KIF15: variants seen among roughly 807,000 people sequenced by gnomAD.
The protein encoded by KIF15 is kinesin family member 15, also known as kinesin-like protein KIF15.
In KIF15, 140 loss-of-function variants were observed where a neutral mutation model predicts 190.6. That is an observed-to-expected ratio of 0.73 (90% CI 0.64 to 0.84). The LOEUF is 0.84. Ranked by LOEUF, KIF15 falls within the 40% of genes least tolerant of loss-of-function variation. The pLI is 0.00. For synonymous variants in KIF15, 528 were observed against 551.3 expected (o/e 0.96, Z 0.59); for missense variants, 1,372 against 1,584.4 (o/e 0.87, Z 2.28).
intron 29 of KIF15, 150 bp downstream of exon 29, chr3:44,841,388 T>C (rs762610447): frequency 2.6e-5 from 15 of 582,854 alleles, no homozygotes; most frequent in Non-Finnish European, 4.4e-5. Context: ...GCCAGTAAAT[T>C]TAATTTTTTT....
chr3:44,770,693 G>A (rs967130347), intron 1 of KIF15, among the ~76,000 whole-genome samples: 14 of 152,200 alleles, frequency 9.2e-5, no homozygotes, highest in African/African-American at 3.4e-4. Flanking sequence ...TTATTGCACT[G>A]ATGCAAACAA....
chr3:44,779,497 C>T (rs1706065167), intron 4 of KIF15, among the ~76,000 whole-genome samples: 1 of 152,146 alleles, frequency 6.6e-6, no homozygotes, highest in Non-Finnish European at 1.5e-5. Flanking sequence ...TTAGTAGTGT[C>T]CTCTTCACTC....
intron 6 of KIF15, among the ~76,000 whole-genome samples, chr3:44,785,756 T>C (rs1706372173): frequency 6.6e-6 from 1 of 152,200 alleles, no homozygotes; most frequent in South Asian, 2.1e-4. Context: ...TAACACTTGC[T>C]TCAAATAAAA....
At position 44,805,966 on chromosome 3, in the gene KIF15, AT is replaced by A; in HGVS notation, c.1953del (p.His652MetfsTer8). On this transcript the variant is annotated frameshift_variant, in exon 16 of 35. Coordinates refer to ENST00000326047, the MANE Select transcript of KIF15 (RefSeq NM_020242.3). LOFTEE classifies it high-confidence loss of function. ...GCAAGAAGTTTCTCAGCTGAATAAAATTCATGCTGAAACACTTAAGGTAGGT... is the reference window on the plus strand; with the variant it reads ...GCAAGAAGTTTCTCAGCTGAATAAAATCATGCTGAAACACTTAAGGTAGGT... ...KRQEVSQLNK[I>X]HAETLKIITT... 6.2e-7 allele frequency: 1 copy of A among 1,614,058 alleles called. No individual in the cohort carries two copies. The highest frequency in any genetic ancestry group is 8.5e-7 in the Non-Finnish European group (1 of 1,179,984).
intron 26 of KIF15, among the ~76,000 whole-genome samples, chr3:44,836,724 A>G (rs1241102886): frequency 6.6e-6 from 1 of 152,240 alleles, no homozygotes; most frequent in Non-Finnish European, 1.5e-5. Context: ...TACCACACAG[A>G]AAGCCAATCA....
rs1163848922 is a variant in KIF15 at position 44,808,199 on chromosome 3, T to G, written c.1971+2213T>G. ...TACTTGCAGAATACTGCCAAATGTTTTATAATTCTGTGTCTGTAGCCCCTT... is the reference window on the plus strand; with the variant it reads ...TACTTGCAGAATACTGCCAAATGTTGTATAATTCTGTGTCTGTAGCCCCTT... On this transcript the variant is annotated intron_variant, in intron 16 of 34. Transcript: ENST00000326047. Among the ~76,000 whole-genome samples, 5 of 152,252 alleles carry G rather than the reference T, an allele frequency of 3.3e-5. No homozygotes were observed. In the East Asian group the frequency reaches 9.6e-4, roughly 29 times the overall value.
At position 44,851,934 on chromosome 3, in the gene KIF15, AAG is replaced by A. The variant is rs761454925; in HGVS notation, c.3962_3963del (p.Arg1321AsnfsTer17). On this transcript the variant is annotated frameshift_variant, in exon 33 of 35. Coordinates refer to ENST00000326047, the MANE Select transcript of KIF15 (RefSeq NM_020242.3). LOFTEE classifies it high-confidence loss of function. ...CAAAGCTGGAAGAAATGTATGAAGA[AAG>A]AGAGAGAACATCCCAGGTGTGCTAG... Reference protein sequence around the residue: ...RSKLEEMYEERERTSQEMEML... With the variant: ...RSKLEEMYEEXERTSQEMEML... 5 of 1,613,534 alleles carry A rather than the reference AAG, an allele frequency of 3.1e-6. No homozygotes were observed. The highest frequency in any genetic ancestry group is 4.2e-6 in the Non-Finnish European group (5 of 1,179,820).
chr3:44,813,344 T>C, intron 19 of KIF15, 164 bp downstream of exon 19: 1 of 483,324 alleles, frequency 2.1e-6, no homozygotes, highest in Non-Finnish European at 3.6e-6. Context: ...TAAGTAACAG[T>C]AATATATCAT....
intron 23 of KIF15, 44 bp from the exon 24 acceptor site, chr3:44,828,170 T>C: frequency 7.2e-7 from 1 of 1,393,176 alleles, no homozygotes; most frequent in Middle Eastern, 1.8e-4. Context: ...TGGTTAACTT[T>C]GCGATTTAAT....
At chr3:44,784,279 C>T (rs1440803021) in intron 5 of KIF15, among the ~76,000 whole-genome samples, 1 of 152,178 alleles carries the variant, frequency 6.6e-6, no homozygotes, top group African/African-American at 2.4e-5. Context: ...TCACGCCATT[C>T]TCCTGCCTCA....
At chr3:44,782,433 C>G (rs1034609712) in intron 5 of KIF15, among the ~76,000 whole-genome samples, 1 of 152,046 alleles carries the variant, frequency 6.6e-6, no homozygotes, top group South Asian at 2.1e-4. Flanking sequence ...GAGGTTATAA[C>G]AACAACAACA....
downstream of KIF15, among the ~76,000 whole-genome samples, chr3:44,856,006 A>T (rs1699184335): frequency 6.6e-6 from 1 of 152,118 alleles, no homozygotes; most frequent in Non-Finnish European, 1.5e-5. Context: ...GAGGATGGTA[A>T]GGGGTATGAA....
intron 7 of KIF15, among the ~76,000 whole-genome samples, chr3:44,791,197 G>A (rs1050510658): frequency 6.6e-6 from 1 of 151,676 alleles, no homozygotes; most frequent in African/African-American, 2.4e-5. Flanking sequence ...TTTTGATCCA[G>A]TATGCAGCAT....
intron 21 of KIF15, 74 bp downstream of exon 21, chr3:44,826,263 C>G: frequency 6.4e-7 from 1 of 1,557,470 alleles, no homozygotes; most frequent in Non-Finnish European, 8.7e-7. Context: ...CTGTCCTTTC[C>G]TCCTTCTTTG....
chr3:44,858,851 G>A (rs1225678259), intron 6 of KIF15, among the ~76,000 whole-genome samples: 1 of 152,230 alleles, frequency 6.6e-6, no homozygotes, highest in East Asian at 1.9e-4. Flanking sequence ...TTAAGAAGGG[G>A]ATGGACTTAT....
chr3:44,849,388 C>T (rs1297196309), intron 32 of KIF15, among the ~76,000 whole-genome samples: 2 of 151,970 alleles, frequency 1.3e-5, no homozygotes, highest in African/African-American at 2.4e-5. Context: ...TTTGGGAGGC[C>T]GAGGCAGGTG....
downstream of KIF15, among the ~76,000 whole-genome samples, chr3:44,856,897 T>C (rs1449629951): frequency 6.6e-6 from 1 of 152,132 alleles, no homozygotes; most frequent in African/African-American, 2.4e-5. Flanking sequence ...ACGTAGTCCT[T>C]TTGCAAGAGT....
chr3:44,821,793 A>G (rs1697341859), intron 20 of KIF15, among the ~76,000 whole-genome samples: 1 of 152,230 alleles, frequency 6.6e-6, no homozygotes, highest in Admixed American at 6.5e-5. Flanking sequence ...TGGAGGTTGT[A>G]GCGAGCTGAG....
In KIF15 at chr3:44,815,055, A is replaced by G. The variant is rs1310294650; in HGVS notation, c.2528A>G (p.Gln843Arg). ...NKLSERHMHV[Q>R]LQLDNLRLEN... ...CTTTCCGAAAGACACATGCATGTAC[A>G]GCTTCAATTAGATAATCTCAGGTAG... is the stretch of plus-strand genomic sequence containing the variant. Residue 843 changes from glutamine to arginine, a missense_variant, in exon 20 of 35, where the codon CAG becomes CGG. Gln to Arg is a conservative substitution (Grantham distance 43, BLOSUM62 1). Coordinates refer to ENST00000326047, the MANE Select transcript of KIF15 (RefSeq NM_020242.3). 2 of 1,597,966 alleles carry G rather than the reference A, an allele frequency of 1.3e-6. No homozygotes were observed. Among genetic ancestry groups the G allele is most frequent in the Non-Finnish European group, 1.7e-6 (2 of 1,173,892 alleles).
Sources: allele counts gnomAD v4.1 joint callset (sites outside exome capture counted in the v4.1 genomes callset), GRCh38; gene constraint gnomAD v4.1.1; transcripts MANE v1.5; gene names NCBI Gene and HGNC (gene_info 2026-07-23, HGNC 2026-07-21).